The following ABHD18 variants were observed in gnomAD, a reference collection of about 807,000 sequenced individuals.
ABHD18 encodes cardiolipin-specific deacylase, mitochondrial.
In ABHD18, 55 loss-of-function variants were observed where a neutral mutation model predicts 65.9. That is an observed-to-expected ratio of 0.84 (90% CI 0.67 to 1.05). ABHD18 has a LOEUF of 1.05. ABHD18 is among the 50% of genes least tolerant of loss of function. ABHD18 has a pLI of 0.00. For missense variants in ABHD18, 533 were observed against 558.5 expected, an observed-to-expected ratio of 0.95 and a Z score of 0.46; for synonymous variants, 181 against 180.2, an observed-to-expected ratio of 1.00 and a Z score of -0.04.
chr4:127,993,490 C>T (rs886094059), intron 4 of ABHD18, among the ~76,000 whole-genome samples: 20 of 151,322 alleles, frequency 1.3e-4, no homozygotes, highest in African/African-American at 3.9e-4. Flanking sequence ...CCAGATGATG[C>T]ACATTGACAT....
chr4:127,979,433 T>TA (rs1363321416), intron 1 of ABHD18, among the ~76,000 whole-genome samples: 1 of 152,132 alleles, frequency 6.6e-6, no homozygotes, highest in Admixed American at 6.6e-5. Flanking sequence ...CGGGCACCTG[T>TA]AGTCCCAGCT....
At chr4:127,980,078 C>T (rs967202756) in intron 1 of ABHD18, among the ~76,000 whole-genome samples, 1 of 152,038 alleles carries the variant, frequency 6.6e-6, no homozygotes, top group Admixed American at 6.6e-5. Context: ...AATGTGTTCC[C>T]GATAGTTCAC....
intron 4 of ABHD18, among the ~76,000 whole-genome samples, chr4:128,007,454 A>G (rs1451082742): frequency 6.6e-6 from 1 of 151,782 alleles, no homozygotes; most frequent in Non-Finnish European, 1.5e-5. Flanking sequence ...ATAAGAAAAA[A>G]ACAAAGGCCA....
Position 128,011,654 on chromosome 4 carries a change from C to T in ABHD18, c.443-19C>T. 5 of 1,539,312 alleles carry T rather than the reference C, an allele frequency of 3.2e-6. No individual in the cohort carries two copies. Among genetic ancestry groups the T allele is most frequent in the Non-Finnish European group, 4.4e-6 (5 of 1,140,590 alleles). ...TTATTTAATTATTTTAAAACTTTCT[C>T]TTTGACCCACATTCTTAAATGGCTG... On this transcript the variant is annotated intron_variant, in intron 6 of 12. Coordinates refer to ENST00000645843, the MANE Select transcript of ABHD18 (RefSeq NM_001358451.3).
At chr4:127,981,184 C>T (rs1748977881) in intron 1 of ABHD18, among the ~76,000 whole-genome samples, 1 of 152,166 alleles carries the variant, frequency 6.6e-6, no homozygotes, top group Non-Finnish European at 1.5e-5. Flanking sequence ...ATTGTTTCAA[C>T]TTGACCATAG....
At chr4:127,973,238 A>G (rs1295538950) in intron 1 of ABHD18, among the ~76,000 whole-genome samples, 1 of 152,130 alleles carries the variant, frequency 6.6e-6, no homozygotes, top group East Asian at 1.9e-4. Flanking sequence ...CTGGTTTTGA[A>G]CTGCTGGACT....
chr4:128,003,257 A>T (rs1050563832), intron 4 of ABHD18, among the ~76,000 whole-genome samples: 1 of 151,882 alleles, frequency 6.6e-6, no homozygotes, highest in African/African-American at 2.4e-5. Context: ...AGTCCCAGCT[A>T]CACAGGAGGC....
chr4:127,979,707 G>A (rs1307868063), intron 1 of ABHD18, among the ~76,000 whole-genome samples: 5 of 152,102 alleles, frequency 3.3e-5, no homozygotes, highest in Non-Finnish European at 5.9e-5. Flanking sequence ...TCTGAGGTCA[G>A]GAGTTTGAGA....
intron 7 of ABHD18, among the ~76,000 whole-genome samples, chr4:128,012,708 G>T (rs1473518205): frequency 6.6e-6 from 1 of 152,030 alleles, no homozygotes; most frequent in Non-Finnish European, 1.5e-5. Flanking sequence ...CACAGAGAAG[G>T]AAAAGTAAAT....
At chr4:128,009,226 T>G (rs1754142281) in intron 6 of ABHD18, 35 bp downstream of exon 6, 4 of 1,296,984 alleles carry the variant, frequency 3.1e-6, no homozygotes, top group Non-Finnish European at 4.0e-6. Context: ...ATCTTTTGCC[T>G]TGTTTATTTA....
Position 128,031,190 on chromosome 4 carries a change from T to C in ABHD18, c.1343+518T>C, listed in dbSNP as rs886270611. 19 of 971,594 alleles carry C rather than the reference T, an allele frequency of 2.0e-5. No homozygotes were observed. The South Asian group carries it at 6.7e-4, about 34-fold the overall frequency. The allele number at this position is 971,594 out of a possible 1,614,324, so 60.2% of individuals were successfully genotyped here. On this transcript the variant is annotated intron_variant, in intron 12 of 12. Transcript: ENST00000645843. The stretch of plus-strand genomic sequence containing the variant: ...TTTATGCTGGCTGGGCGCGGTGGCT[T>C]ACGCCTGTAATCCCAGCACTTTGGG...
chr4:128,017,405 A>G lies in ABHD18; in HGVS notation c.513A>G (p.Gly171=), dbSNP rs1560908004. Residue 171 remains glycine, a synonymous_variant, in exon 8 of 13, where the codon GGA becomes GGG. Transcript: ENST00000645843. The part of the protein sequence containing the change: ...LKNVSDLFVM[G]GALVLESAAL... ...ATGTGTCCGACCTTTTTGTGATGGGAGGAGCTCTTGTTTTAGAATCTGCAG... is the reference window on the plus strand; with the variant it reads ...ATGTGTCCGACCTTTTTGTGATGGGGGGAGCTCTTGTTTTAGAATCTGCAG... 1.9e-6 allele frequency: 3 copies of G among 1,613,674 alleles called. No individual in the cohort carries two copies. The African/African-American group carries it at 4.0e-5, about 22-fold the overall frequency.
At chr4:127,995,714 A>G (rs1751627178) in intron 4 of ABHD18, among the ~76,000 whole-genome samples, 2 of 152,212 alleles carry the variant, frequency 1.3e-5, no homozygotes, top group Non-Finnish European at 2.9e-5. Flanking sequence ...TATTATAAGC[A>G]GGGAAAATAA....
At chr4:127,980,667 C>T (rs1225239563) in intron 1 of ABHD18, among the ~76,000 whole-genome samples, 1 of 151,510 alleles carries the variant, frequency 6.6e-6, no homozygotes, top group Non-Finnish European at 1.5e-5. Context: ...CTACTAAAAA[C>T]ACAAAAATTC....
intron 8 of ABHD18, among the ~76,000 whole-genome samples, chr4:128,019,029 A>AG (rs1345142906): frequency 6.6e-6 from 1 of 151,964 alleles, no homozygotes; most frequent in African/African-American, 2.4e-5. Flanking sequence ...AAAAAAAAAA[A>AG]AAAATTCAAA....
chr4:127,974,053 A>G (rs1747392161), intron 1 of ABHD18, among the ~76,000 whole-genome samples: 2 of 152,068 alleles, frequency 1.3e-5, no homozygotes, highest in South Asian at 4.1e-4. Flanking sequence ...AAAGGGAAGA[A>G]GATGGAGGAA....
chr4:127,998,474 CGT>C (rs1273192496), intron 4 of ABHD18, among the ~76,000 whole-genome samples: 4 of 150,468 alleles, frequency 2.7e-5, no homozygotes, highest in Non-Finnish European at 5.9e-5. Context: ...CTCCTGACCT[CGT>C]GATCCGCCTG....
intron 1 of ABHD18, among the ~76,000 whole-genome samples, chr4:127,979,762 A>G (rs1426990456): frequency 2.6e-5 from 4 of 151,970 alleles, no homozygotes; most frequent in African/African-American, 9.7e-5. Context: ...CTAAAAATAC[A>G]AAAATTAGCT....
At position 128,020,121 on chromosome 4, in the gene ABHD18, A is replaced by G. The variant is rs747410756; in HGVS notation, c.651A>G (p.Pro217=). 1.2e-6 allele frequency: 2 copies of G among 1,613,766 alleles called. No homozygotes were observed. Among genetic ancestry groups the G allele is most frequent in the African/African-American group, 1.3e-5 (1 of 75,058 alleles). ...TATCCAACTGGCCTAAGCCCATGCC[A>G]TTGATTCCATGCCTGTCTTGGTCCA... ...LAVSNWPKPM[P]LIPCLSWSTA... The change falls in exon 9 of 13, where the codon CCA becomes CCG. Residue 217 remains proline (P), a synonymous_variant. Coordinates refer to ENST00000645843, the MANE Select transcript of ABHD18 (RefSeq NM_001358451.3).
Sources: allele counts gnomAD v4.1 joint callset (sites outside exome capture counted in the v4.1 genomes callset), GRCh38; gene constraint gnomAD v4.1.1; transcripts MANE v1.5; gene names NCBI Gene and HGNC (gene_info 2026-07-23, HGNC 2026-07-21).